Variants in ATP5MK observed in about 807,000 individuals in gnomAD.
The protein encoded by ATP5MK is ATP synthase F(0) complex subunit k, mitochondrial.
A neutral mutation model predicts 6.6 loss-of-function variants in ATP5MK; 5 were observed. That is an observed-to-expected ratio of 0.76 (90% CI 0.40 to 1.60). The LOEUF is 1.60. Among genes scored for constraint, ATP5MK ranks in the 40% most tolerant of loss-of-function variants. The pLI, the probability that ATP5MK is intolerant of heterozygous loss-of-function variation, is 0.02. For synonymous variants in ATP5MK, 30 were observed against 24.5 expected (o/e 1.22, Z -0.66); for missense variants, 57 against 66.6 (o/e 0.86, Z 0.50).
At chr10:103,390,143 C>T (rs1047101153) in intron 4 of ATP5MK, among the ~76,000 whole-genome samples, 1 of 152,180 alleles carries the variant, frequency 6.6e-6, no homozygotes. Context: ...GTGATCACTG[C>T]ATTCTCGGAT....
intron 2 of ATP5MK, among the ~76,000 whole-genome samples, chr10:103,392,934 A>G (rs1005104953): frequency 6.6e-6 from 1 of 152,188 alleles, no homozygotes; most frequent in African/African-American, 2.4e-5. Context: ...TAGGACCTCC[A>G]TGGGAGAAGG....
At chr10:103,392,308 C>G in intron 3 of ATP5MK, 25 bp from the exon 4 acceptor site, 9 of 1,600,494 alleles carry the variant, frequency 5.6e-6, no homozygotes, top group Non-Finnish European at 7.7e-6. Context: ...AAAAAGTAAA[C>G]AAGACTTGTT....
intron 2 of ATP5MK, among the ~76,000 whole-genome samples, chr10:103,393,605 A>T (rs1211226637): frequency 6.6e-6 from 1 of 151,878 alleles, no homozygotes; most frequent in Non-Finnish European, 1.5e-5. Flanking sequence ...AAATAAATAA[A>T]AAATAAATAA....
intron 2 of ATP5MK, among the ~76,000 whole-genome samples, chr10:103,394,606 G>A (rs1016253986): frequency 6.6e-6 from 1 of 152,166 alleles, no homozygotes; most frequent in African/African-American, 2.4e-5. Flanking sequence ...ACCTTGGCCA[G>A]TCTAGCCCAA....
At chr10:103,391,445 C>G (rs2093414155) in intron 4 of ATP5MK, among the ~76,000 whole-genome samples, 1 of 152,072 alleles carries the variant, frequency 6.6e-6, no homozygotes, top group Non-Finnish European at 1.5e-5. Context: ...ATCATAGTCA[C>G]TGGAAACCAA....
At chr10:103,390,830 A>T (rs2093412367) in intron 4 of ATP5MK, among the ~76,000 whole-genome samples, 1 of 152,112 alleles carries the variant, frequency 6.6e-6, no homozygotes, top group Admixed American at 6.6e-5. Context: ...ACATCAGATG[A>T]AGATCTGGCA....
intron 2 of ATP5MK, chr10:103,394,474 A>G (rs927936361): frequency 5.0e-6 from 2 of 402,544 alleles, no homozygotes; most frequent in East Asian, 1.3e-4. Context: ...AAAGGCTTTC[A>G]GAGGCATTCT....
At chr10:103,393,559 G>A (rs564376202) in intron 2 of ATP5MK, among the ~76,000 whole-genome samples, 132 of 149,412 alleles carry the variant, frequency 8.8e-4, no homozygotes, top group African/African-American at 3.0e-3. Flanking sequence ...CAGCCTGGGC[G>A]ACAGAGCGAG....
chr10:103,391,642 G>A (rs1204227607), intron 4 of ATP5MK, among the ~76,000 whole-genome samples: 2 of 151,648 alleles, frequency 1.3e-5, no homozygotes, highest in African/African-American at 2.4e-5. Context: ...CGAGTAGCTG[G>A]GATTATAGGC....
chr10:103,390,343 A>C (rs959752113), intron 4 of ATP5MK, among the ~76,000 whole-genome samples: 1 of 151,968 alleles, frequency 6.6e-6, no homozygotes, highest in Non-Finnish European at 1.5e-5. Context: ...AAAATACAAA[A>C]ATTAACTGGG....
chr10:103,392,110 T>C (rs751916190), intron 4 of ATP5MK, 81 bp downstream of exon 4: 68 of 1,351,290 alleles, frequency 5.0e-5, no homozygotes, highest in African/African-American at 7.4e-5. Context: ...ATGACAATGG[T>C]TTATTTTTAT....
At chr10:103,390,045 A>C (rs2093409464) in intron 4 of ATP5MK, among the ~76,000 whole-genome samples, 2 of 152,016 alleles carry the variant, frequency 1.3e-5, no homozygotes, top group South Asian at 2.1e-4. Flanking sequence ...CCATTTTTGT[A>C]ATGGGGATAC....
chr10:103,394,359 C>T (rs757138030), intron 2 of ATP5MK: 1 of 530,930 alleles, frequency 1.9e-6, no homozygotes, highest in East Asian at 5.5e-5. Context: ...GAGGTCCGGT[C>T]GAGATTGGTA....
intron 3 of ATP5MK, 23 bp from the exon 4 acceptor site, chr10:103,392,306 A>C (rs1592100643): frequency 4.4e-6 from 7 of 1,601,494 alleles, no homozygotes; most frequent in Non-Finnish European, 6.0e-6. Context: ...GAAAAAAGTA[A>C]ACAAGACTTG....
chr10:103,395,401 G>T (rs1346242988), intron 2 of ATP5MK, among the ~76,000 whole-genome samples: 1 of 152,178 alleles, frequency 6.6e-6, no homozygotes, highest in Non-Finnish European at 1.5e-5. Flanking sequence ...GGGGTCAAGC[G>T]GTTCTCCTGC....
intron 2 of ATP5MK, among the ~76,000 whole-genome samples, chr10:103,394,746 G>A (rs1390106590): frequency 3.4e-5 from 2 of 59,524 alleles, no homozygotes; most frequent in African/African-American, 1.4e-4. Context: ...ACTTCCCCCC[G>A]CCCCCCGCCC....
chr10:103,395,836 C>A lies in ATP5MK; in HGVS notation c.-100G>T, dbSNP rs530371297. The A allele has an allele frequency of 6.6e-6, 1 of 152,266 alleles. No homozygotes were observed. The highest frequency in any genetic ancestry group is 1.9e-4 in the East Asian group (1 of 5,198). The allele number at this position is 152,266 out of a possible 1,614,324, so 9.4% of individuals were successfully genotyped here. On this transcript the variant is annotated 5_prime_UTR_variant, in exon 2 of 5. Coordinates refer to ENST00000369815, the MANE Select transcript of ATP5MK (RefSeq NM_001206427.2). ...CAGCCTCTTGCATTCACGGAGTTTA[C>A]AGCTCTCTGTTCTGGTTACCTCCTA...
At chr10:103,394,242 G>A (rs781064879) in intron 2 of ATP5MK, 2 of 526,614 alleles carry the variant, frequency 3.8e-6, no homozygotes, top group South Asian at 2.8e-5. Flanking sequence ...TAGACAAGAC[G>A]TATTCAAAAG....
At chr10:103,392,557 A>T in intron 2 of ATP5MK, 91 bp from the exon 3 acceptor site, 1 of 895,644 alleles carries the variant, frequency 1.1e-6, no homozygotes. Flanking sequence ...TAAAAACTCA[A>T]GGTCACTGCA....
Sources: gnomAD v4.1 joint callset for allele counts (sites outside exome capture counted in the v4.1 genomes callset) on GRCh38, gnomAD v4.1.1 for gene constraint, MANE v1.5 for transcripts, NCBI Gene and HGNC (gene_info 2026-07-23, HGNC 2026-07-21) for gene names.